The following WWOX variants were observed in gnomAD, a reference collection of about 807,000 sequenced individuals.
The protein encoded by WWOX is WW domain containing oxidoreductase.
WWOX carries 69 observed loss-of-function variants against 46.2 expected under a neutral mutation model. That is an observed-to-expected ratio of 1.49 (90% CI 1.23 to 1.82). The LOEUF is 1.82. Ranked by LOEUF, WWOX falls within the 40% of genes most tolerant of loss-of-function variation. The probability of loss-of-function intolerance (pLI) is 0.00; values close to 1 mark genes in which losing one functional copy is unlikely to be tolerated. For synonymous variants in WWOX, 359 were observed against 202.6 expected, an observed-to-expected ratio of 1.77 and a Z score of -6.56; for missense variants, 919 against 542.6, an observed-to-expected ratio of 1.69 and a Z score of -6.89.
chr16:78,325,610 A>G (rs1237372460), intron 5 of WWOX, among the ~76,000 whole-genome samples: 1 of 152,176 alleles, frequency 6.6e-6, no homozygotes, highest in East Asian at 1.9e-4. Flanking sequence ...TAGAGAAGTA[A>G]TGAGATCAGA....
intron 4 of WWOX, chr16:78,118,955 C>T (rs961449141): frequency 6.6e-6 from 1 of 152,186 alleles, no homozygotes. Flanking sequence ...GTTTAACCAG[C>T]TTTCTGAACC....
intron 8 of WWOX, among the ~76,000 whole-genome samples, chr16:78,573,969 G>T (rs987278480): frequency 1.3e-5 from 2 of 152,170 alleles, no homozygotes; most frequent in African/African-American, 2.4e-5. Flanking sequence ...TCATATATTG[G>T]CCAGGGTGTG....
chr16:78,738,177 A>G (rs2049133603), intron 8 of WWOX, among the ~76,000 whole-genome samples: 1 of 152,194 alleles, frequency 6.6e-6, no homozygotes, highest in Non-Finnish European at 1.5e-5. Flanking sequence ...GACTCATAAA[A>G]GTTCAGAAGG....
chr16:78,642,367 C>T (rs924820294), intron 8 of WWOX, among the ~76,000 whole-genome samples: 1 of 152,156 alleles, frequency 6.6e-6, no homozygotes, highest in Admixed American at 6.5e-5. Flanking sequence ...TGTTCTGTCC[C>T]TTTATGCTGA....
At chr16:79,075,743 G>A (rs891720856) in intron 8 of WWOX, among the ~76,000 whole-genome samples, 22 of 152,124 alleles carry the variant, frequency 1.4e-4, no homozygotes, top group African/African-American at 5.3e-4. Flanking sequence ...AGTAGAGATG[G>A]GGTCTCATCT....
chr16:78,974,392 C>T (rs907816685), intron 8 of WWOX, among the ~76,000 whole-genome samples: 8 of 152,146 alleles, frequency 5.3e-5, no homozygotes, highest in African/African-American at 1.4e-4. Context: ...TCCCTAGTAC[C>T]TGCCTTGCTA....
chr16:78,433,945 A>C (rs2083280971), intron 8 of WWOX, among the ~76,000 whole-genome samples: 1 of 151,366 alleles, frequency 6.6e-6, no homozygotes, highest in South Asian at 2.1e-4. Flanking sequence ...GCCCACCACT[A>C]TGCCCGGCTA....
At chr16:78,923,023 C>G (rs535292098) in intron 8 of WWOX, among the ~76,000 whole-genome samples, 60 of 137,422 alleles carry the variant, frequency 4.4e-4, no homozygotes, top group South Asian at 4.0e-3. Flanking sequence ...CTCTTATTGC[C>G]CAGGCTGGAG....
intron 8 of WWOX, among the ~76,000 whole-genome samples, chr16:78,440,466 T>C (rs1162394050): frequency 6.6e-6 from 1 of 152,186 alleles, no homozygotes; most frequent in Non-Finnish European, 1.5e-5. Flanking sequence ...AGCTCTCCAA[T>C]ATGTTCTTTC....
At chr16:78,897,540 G>A (rs2044731755) in intron 8 of WWOX, 1 of 152,092 alleles carries the variant, frequency 6.6e-6, no homozygotes, top group Admixed American at 6.6e-5. Flanking sequence ...ATCCTGTGGT[G>A]AAAATACACC....
At chr16:78,226,736 C>T (rs976886432) in intron 5 of WWOX, among the ~76,000 whole-genome samples, 5 of 152,160 alleles carry the variant, frequency 3.3e-5, no homozygotes, top group African/African-American at 1.2e-4. Context: ...CATGGCTATG[C>T]TGTGGTTCCT....
At chr16:78,642,570 T>G (rs1262847714) in intron 8 of WWOX, among the ~76,000 whole-genome samples, 2 of 152,134 alleles carry the variant, frequency 1.3e-5, no homozygotes, top group African/African-American at 4.8e-5. Context: ...GAGCCACTTG[T>G]TGGATGAGAT....
chr16:78,993,825 A>C (rs2151351737), intron 8 of WWOX, among the ~76,000 whole-genome samples: 1 of 152,274 alleles, frequency 6.6e-6, no homozygotes, highest in South Asian at 2.1e-4. Flanking sequence ...AACCTGCAAG[A>C]AGCCAAGACG....
intron 6 of WWOX, among the ~76,000 whole-genome samples, chr16:78,388,308 C>T (rs1186869460): frequency 6.6e-6 from 1 of 152,144 alleles, no homozygotes; most frequent in Admixed American, 6.5e-5. Context: ...TGGGATTACA[C>T]ACATGAACCA....
At chr16:78,539,854 A>G (rs1387381929) in intron 8 of WWOX, among the ~76,000 whole-genome samples, 1 of 152,096 alleles carries the variant, frequency 6.6e-6, no homozygotes, top group Admixed American at 6.6e-5. Context: ...CCATTACTGT[A>G]CCTCTATTGG....
intron 5 of WWOX, among the ~76,000 whole-genome samples, chr16:78,336,265 G>C (rs2080885189): frequency 1.4e-5 from 2 of 145,240 alleles, no homozygotes; most frequent in African/African-American, 5.1e-5. Context: ...CTGAAGTCAA[G>C]AATTCAAAAC....
rs555286205 is a variant in WWOX, at chr16:78,742,206, C to G, written c.1056+309454C>G. ...TTGTCGATAAATCAGTGTACAAATA[C>G]TAGGGGTGAGTGTGCTCAAAACTTA... On this transcript the variant is annotated intron_variant, in intron 8 of 8. Coordinates refer to ENST00000566780, the MANE Select transcript of WWOX (RefSeq NM_016373.4). Among the ~76,000 whole-genome samples the G allele has an allele frequency of 3.3e-5, 5 of 152,240 alleles. 1 individual carries two copies. The highest frequency in any genetic ancestry group is 1.2e-4 in the African/African-American group (5 of 41,542).
chr16:79,004,856 C>T (rs1257424131), intron 8 of WWOX: 4 of 152,154 alleles, frequency 2.6e-5, no homozygotes, highest in African/African-American at 7.2e-5. Context: ...GGGCCGTGCA[C>T]CTATGTGAGA....
intron 5 of WWOX, among the ~76,000 whole-genome samples, chr16:78,213,174 C>G (rs190001393): frequency 6.7e-6 from 1 of 149,026 alleles, no homozygotes; most frequent in Admixed American, 6.8e-5. Flanking sequence ...TTGCTTGAAC[C>G]GTGGAGGCAG....
Sources: gnomAD v4.1 joint callset for allele counts (sites outside exome capture counted in the v4.1 genomes callset) on GRCh38, gnomAD v4.1.1 for gene constraint, MANE v1.5 for transcripts, NCBI Gene and HGNC (gene_info 2026-07-23, HGNC 2026-07-21) for gene names.